Variants in SLC4A8 observed in about 807,000 individuals in gnomAD.
The protein encoded by SLC4A8 is electroneutral sodium bicarbonate exchanger 1.
In SLC4A8, 40 loss-of-function variants were observed where a neutral mutation model predicts 125.0. The ratio of observed to expected loss-of-function variants is 0.32; its 90% CI spans 0.25 to 0.42. The LOEUF is 0.42. Among genes scored for constraint, SLC4A8 ranks in the 10% least tolerant of loss-of-function variants. The pLI is 1.00. For synonymous variants in SLC4A8, 456 were observed against 476.0 expected, an observed-to-expected ratio of 0.96 and a Z score of 0.55; for missense variants, 863 against 1,355.1, an observed-to-expected ratio of 0.64 and a Z score of 5.70.
intron 1 of SLC4A8, 83 bp from the exon 2 acceptor site, chr12:51,440,624 CT>C (rs1949565780): frequency 2.0e-6 from 2 of 1,022,352 alleles, no homozygotes; most frequent in Admixed American, 4.8e-5. Context: ...CCGTAAGTAT[CT>C]CAAAAGGATC....
At chr12:51,407,558 C>T (rs761590526) in intron 1 of SLC4A8, among the ~76,000 whole-genome samples, 2 of 152,096 alleles carry the variant, frequency 1.3e-5, no homozygotes, top group Non-Finnish European at 1.5e-5. Flanking sequence ...TGTGAGCCAC[C>T]GTGCCCGGCT....
intron 11 of SLC4A8, among the ~76,000 whole-genome samples, chr12:51,464,855 G>A (rs1256191359): frequency 2.6e-5 from 4 of 152,206 alleles, no homozygotes; most frequent in Admixed American, 6.5e-5. Flanking sequence ...GAAACCAGGA[G>A]AGGAGACAGA....
At chr12:51,459,782 G>T in intron 7 of SLC4A8, among the ~76,000 whole-genome samples, 169 bp from the exon 8 acceptor site, 1 of 152,178 alleles carries the variant, frequency 6.6e-6, no homozygotes, top group East Asian at 1.9e-4. Flanking sequence ...TGAAACACAA[G>T]AATTGCTTGA....
intron 2 of SLC4A8, chr12:51,450,566 A>AATTGTC (rs1949932758): frequency 3.6e-6 from 1 of 280,248 alleles, no homozygotes; most frequent in African/African-American, 2.2e-5. Context: ...CACTCAGTCA[A>AATTGTC]ATTGTCATTG....
At chr12:51,406,157 C>T (rs773154798) in intron 1 of SLC4A8, among the ~76,000 whole-genome samples, 11 of 152,156 alleles carry the variant, frequency 7.2e-5, no homozygotes, top group Non-Finnish European at 1.0e-4. Context: ...TTTACTTCTG[C>T]GTAAGTGGGG....
At chr12:51,443,391 G>T (rs1255502847) in intron 2 of SLC4A8, among the ~76,000 whole-genome samples, 2 of 152,182 alleles carry the variant, frequency 1.3e-5, no homozygotes, top group African/African-American at 4.8e-5. Context: ...ATCAGTAAGA[G>T]AAGTTGCATT....
intron 16 of SLC4A8, chr12:51,480,088 G>A (rs776889477): frequency 7.2e-4 from 267 of 369,728 alleles, no homozygotes; most frequent in Non-Finnish European, 1.3e-3. Flanking sequence ...CTACAGGCAC[G>A]CACCACCACA....
chr12:51,474,717 G>C, intron 15 of SLC4A8: 1 of 571,684 alleles, frequency 1.7e-6, no homozygotes, highest in Non-Finnish European at 3.0e-6. Context: ...TGCAGGACAG[G>C]GGGCAGATCC....
chr12:51,403,113 A>G (rs1460982185), intron 1 of SLC4A8: 1 of 200,618 alleles, frequency 5.0e-6, no homozygotes, highest in Admixed American at 4.2e-5. Flanking sequence ...AGATTAGGTA[A>G]TAGGTATAAA....
At chr12:51,506,248 A>G (rs529062873) in intron 24 of SLC4A8, among the ~76,000 whole-genome samples, 10 of 152,292 alleles carry the variant, frequency 6.6e-5, no homozygotes, top group African/African-American at 2.4e-4. Context: ...TCTGAAGGGC[A>G]TGTCTCTGGT....
chr12:51,424,575 C>A (rs919199149), upstream of SLC4A8: 7 of 181,778 alleles, frequency 3.9e-5, no homozygotes, highest in Middle Eastern at 2.3e-3. Flanking sequence ...CCGACACTTT[C>A]CCAGTTTTCA....
rs535505784 is a variant in SLC4A8 at position 51,510,769 on chromosome 12, CCAGGATCTCT to C, written c.*3332_*3341del. On this transcript the variant is annotated 3_prime_UTR_variant, in exon 25 of 25. Coordinates refer to ENST00000453097, the MANE Select transcript of SLC4A8 (RefSeq NM_001039960.3). ...TGTGTGGCTAGAGAAAGAGATGGCA[CCAGGATCTCT>C]TAACGGCAAGTGCTCACGGGGCATG... 9.2e-4 allele frequency: 140 copies of C among 152,310 alleles called. No individual in the cohort carries two copies. The highest frequency in any genetic ancestry group is 3.2e-3 in the African/African-American group (131 of 41,544). The allele number at this position is 152,310 out of a possible 1,614,324, so 9.4% of individuals were successfully genotyped here.
In SLC4A8 at chr12:51,485,834, A is replaced by C. The variant is rs776354656; in HGVS notation, c.2220A>C (p.Thr740=). The change falls in exon 17 of 25, where the codon ACA becomes ACC. Residue 740 remains threonine, a synonymous_variant. Transcript: ENST00000453097. The part of the protein sequence containing the change: ...SDFAVFLTIF[T]MVIIDFLIGV... ...TTGCTGTTTTCCTCACTATCTTCAC[A>C]ATGGTGATTATTGATTTTTTGATTG... The C allele has an allele frequency of 1.2e-6, 2 of 1,613,782 alleles. No homozygotes were observed. The highest frequency in any genetic ancestry group is 1.7e-6 in the Non-Finnish European group (2 of 1,179,722).
intron 1 of SLC4A8, among the ~76,000 whole-genome samples, chr12:51,393,663 C>T (rs867308767): frequency 5.3e-5 from 8 of 152,158 alleles, no homozygotes; most frequent in Non-Finnish European, 1.0e-4. Context: ...ATCAGAGTGA[C>T]GTGAAGGATG....
intron 5 of SLC4A8, among the ~76,000 whole-genome samples, chr12:51,455,695 AGT>A (rs1277876878): frequency 6.6e-6 from 1 of 152,204 alleles, no homozygotes; most frequent in East Asian, 1.9e-4. Context: ...CTCTATTTCA[AGT>A]ATCCAAGTCA....
At chr12:51,406,372 A>C (rs1212089882) in intron 1 of SLC4A8, among the ~76,000 whole-genome samples, 1 of 152,200 alleles carries the variant, frequency 6.6e-6, no homozygotes, top group Non-Finnish European at 1.5e-5. Context: ...TGTGGGGTAG[A>C]GTGTTAGGTA....
chr12:51,468,538 T>A (rs1485829859), intron 11 of SLC4A8, among the ~76,000 whole-genome samples: 1 of 152,158 alleles, frequency 6.6e-6, no homozygotes, highest in African/African-American at 2.4e-5. Context: ...GGCGAGCAGA[T>A]CATGAGGTCA....
At chr12:51,481,952 A>AAAAAC (rs1473277158) in intron 16 of SLC4A8, among the ~76,000 whole-genome samples, 1 of 152,132 alleles carries the variant, frequency 6.6e-6, no homozygotes, top group Non-Finnish European at 1.5e-5. Flanking sequence ...ACACCTGCTC[A>AAAAAC]AAAACAAAAC....
chr12:51,431,996 A>G (rs1195043939), intron 1 of SLC4A8, among the ~76,000 whole-genome samples: 1 of 152,194 alleles, frequency 6.6e-6, no homozygotes, highest in African/African-American at 2.4e-5. Context: ...TTCTTATCTC[A>G]CTTAGCTTTT....
Sources: allele counts gnomAD v4.1 joint callset (sites outside exome capture counted in the v4.1 genomes callset), GRCh38; gene constraint gnomAD v4.1.1; transcripts MANE v1.5; gene names NCBI Gene and HGNC (gene_info 2026-07-23, HGNC 2026-07-21).